The following ANK1 variants were observed in gnomAD, a reference collection of about 807,000 sequenced individuals.
ANK1 encodes the protein ankyrin-1.
ANK1 carries 51 observed loss-of-function variants against 210.4 expected under a neutral mutation model. The ratio of observed to expected loss-of-function variants is 0.24; its 90% CI spans 0.19 to 0.31. The LOEUF (loss-of-function observed/expected upper bound fraction) is 0.31, where lower values mean the gene tolerates loss of function less well. ANK1 is among the 10% of genes least tolerant of loss of function. The pLI is 1.00. For missense variants in ANK1, 2,051 were observed against 2,504.4 expected (o/e 0.82, Z 3.86); for synonymous variants, 967 against 1,025.9 (o/e 0.94, Z 1.10).
intron 1 of ANK1, among the ~76,000 whole-genome samples, chr8:41,784,275 C>T (rs1845922189): frequency 6.6e-6 from 1 of 152,212 alleles, no homozygotes; most frequent in African/African-American, 2.4e-5. Flanking sequence ...CCATTCTCCA[C>T]TCCTAGCCTC....
chr8:41,743,897 G>T (rs528391185), intron 2 of ANK1, among the ~76,000 whole-genome samples: 1 of 152,092 alleles, frequency 6.6e-6, no homozygotes, highest in East Asian at 1.9e-4. Context: ...ATGACAACCC[G>T]GAGCAATGGG....
intron 2 of ANK1, among the ~76,000 whole-genome samples, chr8:41,753,798 A>G (rs946770981): frequency 1.3e-5 from 2 of 151,990 alleles, no homozygotes; most frequent in African/African-American, 4.8e-5. Flanking sequence ...GCTCCAGCAC[A>G]ATCCCAGCTC....
intron 1 of ANK1, among the ~76,000 whole-genome samples, chr8:41,802,845 T>G (rs1223856526): frequency 2.8e-5 from 4 of 144,812 alleles, no homozygotes; most frequent in Non-Finnish European, 4.5e-5. Flanking sequence ...GGGAAGTCAT[T>G]GAGGCCGCAG....
chr8:41,791,194 G>GTTTTT (rs71239082), intron 1 of ANK1, among the ~76,000 whole-genome samples: 4 of 70,120 alleles, frequency 5.7e-5, no homozygotes, highest in East Asian at 4.5e-4. Context: ...TACTAACTTT[G>GTTTTT]TTTTTTTTTT....
At chr8:41,726,058 G>A (rs1003390308) in intron 5 of ANK1, 112 bp from the exon 6 acceptor site, 54 of 1,239,468 alleles carry the variant, frequency 4.4e-5, no homozygotes, top group Non-Finnish European at 5.7e-6. Context: ...CAGCCTGAGG[G>A]ACCTACCTCC....
intron 9 of ANK1, among the ~76,000 whole-genome samples, chr8:41,722,064 T>C (rs1245483034): frequency 1.3e-5 from 2 of 152,234 alleles, no homozygotes; most frequent in Non-Finnish European, 2.9e-5. Context: ...TACTTTTAGA[T>C]AGCTTTTGAA....
intron 1 of ANK1, among the ~76,000 whole-genome samples, chr8:41,859,366 T>G (rs1054025958): frequency 6.6e-6 from 1 of 151,528 alleles, no homozygotes; most frequent in African/African-American, 2.4e-5. Context: ...TTGTTTGTTT[T>G]TTGACACTCT....
intron 1 of ANK1, among the ~76,000 whole-genome samples, chr8:41,884,094 A>C (rs1818041554): frequency 6.6e-6 from 1 of 152,212 alleles, no homozygotes; most frequent in South Asian, 2.1e-4. Flanking sequence ...CTCACACCTT[A>C]ATCCCAGCAC....
chr8:41,703,450 A>ATATATATATTTTTTTT (rs59985416), intron 20 of ANK1, among the ~76,000 whole-genome samples: 1 of 58,826 alleles, frequency 1.7e-5, no homozygotes, highest in African/African-American at 9.0e-5. Context: ...ATATATATAT[A>ATATATATATTTTTTTT]TTTTTTTTTT....
intron 1 of ANK1, among the ~76,000 whole-genome samples, chr8:41,854,496 A>G (rs1355193199): frequency 6.6e-6 from 1 of 152,152 alleles, no homozygotes; most frequent in Non-Finnish European, 1.5e-5. Flanking sequence ...CTGCTTTCTA[A>G]AGCACCTTCA....
At chr8:41,692,097 C>T (rs144235661) in intron 31 of ANK1, among the ~76,000 whole-genome samples, 1,687 of 151,970 alleles carry the variant, frequency 0.011, 10 homozygotes, top group East Asian at 0.03. Context: ...TGCTCTGTCA[C>T]CCAGGCTGGA....
At chr8:41,797,697 G>T, upstream of ANK1, 1 of 1,180,244 alleles carries the variant, frequency 8.5e-7, no homozygotes, top group Non-Finnish European at 1.1e-6. This position sits in a 1 kb window ranked among gnomAD's most constrained non-coding sequence, Gnocchi z 4.0. Flanking sequence ...CGGGCCGGGC[G>T]CTCCCGGCAC....
intron 17 of ANK1, among the ~76,000 whole-genome samples, chr8:41,707,422 C>T (rs943493235): frequency 2.6e-5 from 4 of 152,218 alleles, no homozygotes; most frequent in African/African-American, 7.2e-5. Context: ...CTTCTGCACA[C>T]CCCGCAGGCT....
rs749056052 is a variant in ANK1, at chr8:41,688,141, C to T, written c.4258+15G>A. 6.2e-7 allele frequency: 1 copy of T among 1,613,926 alleles called. No homozygotes were observed. Among genetic ancestry groups the T allele is most frequent in the Non-Finnish European group, 8.5e-7 (1 of 1,179,790 alleles). On this transcript the variant is annotated intron_variant, in intron 35 of 42. Coordinates refer to ENST00000289734, the MANE Select transcript of ANK1 (RefSeq NM_000037.4). The stretch of plus-strand genomic sequence containing the variant: ...GATGGACAAAGTGCTTTTCTGCCCC[C>T]AATTCCCCACTCACCTGCCCAGCTG...
chr8:41,836,934 A>AC (rs1807852236), intron 1 of ANK1, among the ~76,000 whole-genome samples: 1 of 151,814 alleles, frequency 6.6e-6, no homozygotes. Context: ...GAAAAAAAAA[A>AC]AAAAAACAAA....
intron 38 of ANK1, among the ~76,000 whole-genome samples, chr8:41,671,743 C>T (rs1328825346): frequency 1.4e-5 from 2 of 141,592 alleles, no homozygotes; most frequent in African/African-American, 5.3e-5. Flanking sequence ...AGTAAGCCCT[C>T]CCAGTGCCCT....
At chr8:41,864,291 C>T (rs1259646364) in intron 1 of ANK1, among the ~76,000 whole-genome samples, 5 of 151,718 alleles carry the variant, frequency 3.3e-5, no homozygotes, top group Admixed American at 6.6e-5. Context: ...TCCAAGAGGC[C>T]ACATCAAATG....
chr8:41,895,923 G>T (rs1820417717), intron 1 of ANK1, among the ~76,000 whole-genome samples: 1 of 149,014 alleles, frequency 6.7e-6, no homozygotes, highest in African/African-American at 2.5e-5. Flanking sequence ...CCCGCTCCCC[G>T]GAGCCTGCAG....
At chr8:41,714,741 G>A (rs1230729697) in intron 15 of ANK1, among the ~76,000 whole-genome samples, 3 of 151,988 alleles carry the variant, frequency 2.0e-5, no homozygotes, top group African/African-American at 7.2e-5. Flanking sequence ...ACTGCTTGTA[G>A]TCCCAGCTAC....
Sources: gnomAD v4.1 joint callset for allele counts (sites outside exome capture counted in the v4.1 genomes callset) on GRCh38, gnomAD v4.1.1 for gene constraint, Gnocchi (gnomAD v3.1) non-coding constraint, MANE v1.5 for transcripts, NCBI Gene and HGNC (gene_info 2026-07-23, HGNC 2026-07-21) for gene names.